Variants in RUNX1 observed in about 807,000 individuals in gnomAD.
RUNX1 encodes runt-related transcription factor 1.
In RUNX1, 19 loss-of-function variants were observed where a neutral mutation model predicts 42.8. That is an observed-to-expected ratio of 0.44 (90% CI 0.31 to 0.65). The LOEUF (loss-of-function observed/expected upper bound fraction) is 0.65, where lower values mean the gene tolerates loss of function less well. Among genes scored for constraint, RUNX1 ranks in the 30% least tolerant of loss-of-function variants. The pLI is 0.07. For synonymous variants in RUNX1, 271 were observed against 289.4 expected (o/e 0.94, Z 0.64); for missense variants, 528 against 672.0 (o/e 0.79, Z 2.37).
chr21:35,011,693 G>A (rs905808618), intron 2 of RUNX1, among the ~76,000 whole-genome samples: 1 of 152,188 alleles, frequency 6.6e-6, no homozygotes, highest in African/African-American at 2.4e-5. Flanking sequence ...CTTCAACAGC[G>A]AGTGGAAGCA....
At chr21:34,903,968 T>C (rs1196640451) in intron 2 of RUNX1, among the ~76,000 whole-genome samples, 1 of 152,224 alleles carries the variant, frequency 6.6e-6, no homozygotes, top group Non-Finnish European at 1.5e-5. Context: ...CTAAGATCTG[T>C]ATTGTAATGG....
chr21:35,031,616 T>G (rs2059273896), intron 2 of RUNX1, among the ~76,000 whole-genome samples: 1 of 152,078 alleles, frequency 6.6e-6, no homozygotes, highest in Non-Finnish European at 1.5e-5. Context: ...AGAATCAGCC[T>G]AAGTGTCCAT....
intron 2 of RUNX1, among the ~76,000 whole-genome samples, chr21:34,941,501 C>A (rs148929901): frequency 5.9e-5 from 9 of 151,454 alleles, no homozygotes; most frequent in Admixed American, 5.9e-4. Flanking sequence ...GACACAAAGA[C>A]CTACACAAAC....
At chr21:34,886,819 C>A (rs1464846748) in intron 4 of RUNX1, 24 bp downstream of exon 4, 4 of 1,612,230 alleles carry the variant, frequency 2.5e-6, no homozygotes, top group Non-Finnish European at 3.4e-6. Flanking sequence ...GCCTGTCCTC[C>A]CACCACCCTC....
At chr21:34,855,128 C>T (rs1461930000) in intron 6 of RUNX1, among the ~76,000 whole-genome samples, 1 of 152,092 alleles carries the variant, frequency 6.6e-6, no homozygotes, top group African/African-American at 2.4e-5. Context: ...GTAACAAACA[C>T]CTGACCAGAC....
intron 7 of RUNX1, among the ~76,000 whole-genome samples, chr21:34,823,513 G>A (rs1337287757): frequency 7.2e-6 from 1 of 138,320 alleles, no homozygotes; most frequent in African/African-American, 2.8e-5. Flanking sequence ...GCCTGATCTC[G>A]GCTCACTGCA....
intron 7 of RUNX1, among the ~76,000 whole-genome samples, chr21:34,812,681 T>G (rs927854117): frequency 4.6e-5 from 7 of 152,150 alleles, no homozygotes; most frequent in Non-Finnish European, 1.5e-5. Context: ...AGAAAGTAAA[T>G]GGCATTTCAA....
intron 5 of RUNX1, among the ~76,000 whole-genome samples, chr21:34,866,709 C>T (rs958257893): frequency 6.6e-6 from 1 of 152,170 alleles, no homozygotes; most frequent in Non-Finnish European, 1.5e-5. Context: ...TCAACTTGCA[C>T]ATAATTTCCT....
intron 2 of RUNX1, among the ~76,000 whole-genome samples, chr21:34,984,779 T>C (rs982722022): frequency 2.0e-5 from 3 of 152,158 alleles, no homozygotes; most frequent in African/African-American, 7.2e-5. Flanking sequence ...TGCAAAGTAG[T>C]TGGGCAAATA....
chr21:34,889,436 A>T (rs1345686408), intron 3 of RUNX1, among the ~76,000 whole-genome samples: 1 of 152,042 alleles, frequency 6.6e-6, no homozygotes, highest in Admixed American at 6.5e-5. Context: ...CGCGCGTCTC[A>T]CTTGCTGCGT....
chr21:34,968,585 C>G (rs1042311675), intron 2 of RUNX1, among the ~76,000 whole-genome samples: 1 of 152,122 alleles, frequency 6.6e-6, no homozygotes, highest in Non-Finnish European at 1.5e-5. Context: ...TATCCTGAGT[C>G]CAGCTGATTG....
intron 4 of RUNX1, among the ~76,000 whole-genome samples, chr21:34,885,106 A>C (rs1213448704): frequency 6.6e-6 from 1 of 152,134 alleles, no homozygotes; most frequent in African/African-American, 2.4e-5. Context: ...TTAGTCTTTT[A>C]ATATATTTGA....
At chr21:34,953,958 A>T (rs555593443) in intron 2 of RUNX1, among the ~76,000 whole-genome samples, 3 of 152,348 alleles carry the variant, frequency 2.0e-5, no homozygotes, top group Middle Eastern at 3.4e-3. Context: ...AGTTGAGCTT[A>T]AGTGATGGCA....
In RUNX1 at chr21:34,878,344, TAAA is replaced by T. The variant is rs58465528; in HGVS notation, c.508+2210_508+2212del. ...GCTCATTTACTTTTGTAGCGCTGAC[TAAA>T]AAAAAAAAAAAAAATATATATATAT... On this transcript the variant is annotated intron_variant, in intron 5 of 8. Coordinates refer to ENST00000675419, the MANE Select transcript of RUNX1 (RefSeq NM_001754.5). Among the ~76,000 whole-genome samples, 205 of 122,840 alleles carry T rather than the reference TAAA, an allele frequency of 1.7e-3. 4 individuals are homozygous for T. Among genetic ancestry groups the T allele is most frequent in the South Asian group, 1.5e-3 (6 of 3,884 alleles). The allele number at this position is 122,840 out of a possible 152,430, so 80.6% of individuals were successfully genotyped here.
At chr21:34,867,272 A>AAAAAT (rs1463095897) in intron 5 of RUNX1, among the ~76,000 whole-genome samples, 20 of 152,054 alleles carry the variant, frequency 1.3e-4, no homozygotes, top group Non-Finnish European at 2.6e-4. Context: ...AATAAAAATA[A>AAAAAT]AAAATAAAAT....
chr21:34,798,342 G>A (rs1201527019), intron 8 of RUNX1, among the ~76,000 whole-genome samples: 1 of 152,180 alleles, frequency 6.6e-6, no homozygotes, highest in Non-Finnish European at 1.5e-5. Context: ...CTTCAACAAA[G>A]GAATTTTTCT....
chr21:34,901,366 T>A lies in RUNX1; in HGVS notation c.59-8403A>T, dbSNP rs1601550333. Among the ~76,000 whole-genome samples the A allele has an allele frequency of 6.6e-6, 1 of 151,750 alleles. No homozygotes were observed. The highest frequency in any genetic ancestry group is 1.5e-5 in the Non-Finnish European group (1 of 67,938). On this transcript the variant is annotated intron_variant, in intron 2 of 8. Coordinates refer to ENST00000675419, the MANE Select transcript of RUNX1 (RefSeq NM_001754.5). This position sits in a 1 kb window ranked among gnomAD's most constrained non-coding sequence, Gnocchi z 4.3. ...CTCTACTGAAAATAAAAAAAGTAGC[T>A]GGGCGTGGTGGCGGCGCGTGCCTGT...
intron 2 of RUNX1, among the ~76,000 whole-genome samples, chr21:35,010,025 C>T (rs1412098482): frequency 6.6e-6 from 1 of 152,120 alleles, no homozygotes; most frequent in Non-Finnish European, 1.5e-5. Flanking sequence ...AGTGTTCACA[C>T]AGAACTGCAT....
chr21:34,894,926 CACAT>C (rs879720067), intron 2 of RUNX1, among the ~76,000 whole-genome samples: 8,530 of 120,642 alleles, frequency 0.071, 352 homozygotes, highest in African/African-American at 0.16. Flanking sequence ...CACACACACA[CACAT>C]ATTCATATCT....
Sources: allele counts gnomAD v4.1 joint callset (sites outside exome capture counted in the v4.1 genomes callset), GRCh38; gene constraint gnomAD v4.1.1; non-coding constraint Gnocchi (gnomAD v3.1); transcripts MANE v1.5; gene names NCBI Gene and HGNC (gene_info 2026-07-23, HGNC 2026-07-21).